Variants in ERC1 observed in about 807,000 individuals in gnomAD.
The protein encoded by ERC1 is ELKS/RAB6-interacting/CAST family member 1.
A neutral mutation model predicts 132.0 loss-of-function variants in ERC1; 56 were observed. The observed-to-expected ratio is 0.42, with a 90% CI of 0.34 to 0.53. The LOEUF (loss-of-function observed/expected upper bound fraction) is 0.53, where lower values mean the gene tolerates loss of function less well. Ranked by LOEUF, ERC1 falls within the 20% of genes least tolerant of loss-of-function variation. ERC1 has a pLI of 0.03. For missense variants in ERC1, 1,202 were observed against 1,349.9 expected (o/e 0.89, Z 1.72); for synonymous variants, 478 against 476.1 (o/e 1.00, Z -0.05).
intron 1 of ERC1, among the ~76,000 whole-genome samples, chr12:1,000,899 T>C (rs1188045890): frequency 6.6e-6 from 1 of 152,216 alleles, no homozygotes; most frequent in African/African-American, 2.4e-5. Context: ...TGTGTATTTA[T>C]TTATTTTTAA....
chr12:1,264,524 C>T (rs1440344386), intron 14 of ERC1, among the ~76,000 whole-genome samples: 3 of 150,726 alleles, frequency 2.0e-5, no homozygotes, highest in Admixed American at 1.3e-4. Context: ...ATTAGCTGGG[C>T]GTGGTGGCGG....
chr12:1,444,360 G>A (rs1281178614), intron 17 of ERC1: 3 of 446,502 alleles, frequency 6.7e-6, no homozygotes, highest in East Asian at 3.5e-5. Flanking sequence ...CCAGAAGGGC[G>A]GCTGCGTGTG....
chr12:1,298,061 T>C (rs2080099253), intron 15 of ERC1, among the ~76,000 whole-genome samples: 1 of 152,006 alleles, frequency 6.6e-6, no homozygotes, highest in Non-Finnish European at 1.5e-5. Flanking sequence ...CACTGCACAC[T>C]AGCATGGTTG....
At chr12:1,252,144 A>G (rs2076508376) in intron 13 of ERC1, among the ~76,000 whole-genome samples, 4 of 152,154 alleles carry the variant, frequency 2.6e-5, no homozygotes, top group Admixed American at 2.6e-4. Flanking sequence ...TAGGAACGTT[A>G]TAATTCTATT....
In ERC1 at chr12:1,491,269, C is replaced by T. The variant is rs988777741; in HGVS notation, c.*1039C>T. On this transcript the variant is annotated 3_prime_UTR_variant, in exon 19 of 19. Coordinates refer to ENST00000360905, the MANE Select transcript of ERC1 (RefSeq NM_178040.4). ...CCCAGTGGCTGCTGAAGTTGTGATC[C>T]CTCACTCACCCTGCTAGCTTTGCCC... 2 of 231,052 alleles carry T rather than the reference C, an allele frequency of 8.7e-6. No individual in the cohort carries two copies. Among genetic ancestry groups the T allele is most frequent in the Non-Finnish European group, 1.7e-5 (2 of 116,654 alleles). The allele number at this position is 231,052 out of a possible 1,614,324, so 14.3% of individuals were successfully genotyped here.
chr12:1,098,178 T>C (rs531224985), intron 3 of ERC1, among the ~76,000 whole-genome samples: 1 of 152,354 alleles, frequency 6.6e-6, no homozygotes, highest in African/African-American at 2.4e-5. Flanking sequence ...CTCTCAAGGA[T>C]CATAGTCCTG....
intron 18 of ERC1, among the ~76,000 whole-genome samples, chr12:1,456,275 A>G (rs1024868208): frequency 1.3e-5 from 2 of 152,368 alleles, no homozygotes; most frequent in South Asian, 4.1e-4. Flanking sequence ...AGATAGTCTG[A>G]TTAAATAGAT....
Position 994,066 on chromosome 12 carries a change from C to CAAAAAAAAAAAAAA in ERC1, c.-157+2760_-157+2773dup, listed in dbSNP as rs72073964. 2.0e-4 allele frequency among the ~76,000 whole-genome samples: 13 copies of CAAAAAAAAAAAAAA among 64,264 alleles called. 1 individual carries two copies. The highest frequency in any genetic ancestry group is 4.9e-4 in the African/African-American group (10 of 20,258). 42.2% of individuals were successfully genotyped at this position (64,264 alleles called of 152,430 possible). A position where few individuals can be genotyped will look rare whatever the true frequency, so the allele number is the denominator to read the frequency against. ...CCTGAGTCACGGCAAAACTCCGTCT[C>CAAAAAAAAAAAAAA]AAAAAAAAAAAAAAAAAAAAAAAAA... On this transcript the variant is annotated intron_variant, in intron 1 of 18. Transcript: ENST00000360905.
intron 13 of ERC1, among the ~76,000 whole-genome samples, chr12:1,250,447 A>G (rs1189501832): frequency 6.6e-6 from 1 of 152,212 alleles, no homozygotes; most frequent in Non-Finnish European, 1.5e-5. Context: ...GCTAGTTTAT[A>G]TCTGCCATAA....
At chr12:1,264,384 C>T (rs926353777) in intron 14 of ERC1, among the ~76,000 whole-genome samples, 7 of 152,114 alleles carry the variant, frequency 4.6e-5, no homozygotes, top group Admixed American at 3.9e-4. Context: ...AAACCTAGGC[C>T]GAGCGCGGTG....
chr12:1,255,107 C>T (rs2076708003), intron 13 of ERC1, among the ~76,000 whole-genome samples: 1 of 152,006 alleles, frequency 6.6e-6, no homozygotes, highest in South Asian at 2.1e-4. Context: ...CCCAAACCCC[C>T]CCAACAGGCC....
intron 18 of ERC1, among the ~76,000 whole-genome samples, chr12:1,464,125 T>C (rs754031803): frequency 3.3e-5 from 5 of 152,212 alleles, no homozygotes; most frequent in Non-Finnish European, 5.9e-5. Context: ...TAAGTATTAT[T>C]TGCAATTCAC....
At chr12:1,341,088 T>C (rs1166660752) in intron 15 of ERC1, among the ~76,000 whole-genome samples, 881 of 70,854 alleles carry the variant, frequency 0.012, 67 homozygotes, top group East Asian at 0.037. Context: ...TTTTTTTTTT[T>C]TTTTTTTTTT....
intron 7 of ERC1, among the ~76,000 whole-genome samples, chr12:1,122,698 A>AATCTCTATCTCT (rs1555256505): frequency 8.1e-5 from 8 of 99,224 alleles, no homozygotes; most frequent in Admixed American, 2.2e-4. Flanking sequence ...TATCTATCTA[A>AATCTCTATCTCT]ATCTCTGAAA....
At chr12:1,218,868 A>T (rs1337712659) in intron 12 of ERC1, among the ~76,000 whole-genome samples, 1 of 151,294 alleles carries the variant, frequency 6.6e-6, no homozygotes, top group Non-Finnish European at 1.5e-5. Flanking sequence ...ATATATATAT[A>T]TTCTCAGACT....
At chr12:1,397,274 G>A (rs572716398) in intron 16 of ERC1, among the ~76,000 whole-genome samples, 10 of 152,262 alleles carry the variant, frequency 6.6e-5, no homozygotes, top group South Asian at 6.2e-4. Context: ...TTATCTGTGC[G>A]TTGACTTTGT....
chr12:1,429,386 G>C lies in ERC1; in HGVS notation c.3025-15176G>C, dbSNP rs558286401. Among the ~76,000 whole-genome samples, 285 of 152,270 alleles carry C rather than the reference G, an allele frequency of 1.9e-3. 1 individual carries two copies. The highest frequency in any genetic ancestry group is 3.5e-3 in the Non-Finnish European group (238 of 68,018). On this transcript the variant is annotated intron_variant, in intron 17 of 18. Coordinates refer to ENST00000360905, the MANE Select transcript of ERC1 (RefSeq NM_178040.4). Reference sequence around the variant, plus strand: ...GTTTTGTCTTCTAAGAATTGAACCAGGATGTTTATCTCTGATTTCATGTTT... The same window carrying C: ...GTTTTGTCTTCTAAGAATTGAACCACGATGTTTATCTCTGATTTCATGTTT...
intron 17 of ERC1, among the ~76,000 whole-genome samples, chr12:1,417,026 A>G (rs1002859243): frequency 1.3e-5 from 2 of 152,126 alleles, no homozygotes; most frequent in Admixed American, 6.5e-5. Context: ...CTTACTCTTC[A>G]ACTCTGGATT....
intron 12 of ERC1, chr12:1,190,300 G>A: frequency 1.7e-6 from 1 of 572,310 alleles, no homozygotes; most frequent in Admixed American, 2.4e-5. Flanking sequence ...AAAAAAGAGA[G>A]TATTCATTAA....
Sources: gnomAD v4.1 joint callset for allele counts (sites outside exome capture counted in the v4.1 genomes callset) on GRCh38, gnomAD v4.1.1 for gene constraint, MANE v1.5 for transcripts, NCBI Gene and HGNC (gene_info 2026-07-23, HGNC 2026-07-21) for gene names.